PEAK1: variants seen among roughly 807,000 people sequenced by gnomAD.
The protein encoded by PEAK1 is inactive tyrosine-protein kinase PEAK1.
PEAK1 carries 54 observed loss-of-function variants against 124.7 expected under a neutral mutation model. The observed-to-expected ratio is 0.43, with a 90% CI of 0.35 to 0.54. The LOEUF (loss-of-function observed/expected upper bound fraction) is 0.54, where lower values mean the gene tolerates loss of function less well. Among genes scored for constraint, PEAK1 ranks in the 20% least tolerant of loss-of-function variants. The pLI is 0.01. For synonymous variants in PEAK1, 719 were observed against 760.0 expected, an observed-to-expected ratio of 0.95 and a Z score of 0.89; for missense variants, 2,046 against 2,134.5, an observed-to-expected ratio of 0.96 and a Z score of 0.82.
chr15:77,273,088 G>A (rs779477514), intron 5 of PEAK1, among the ~76,000 whole-genome samples: 1 of 151,986 alleles, frequency 6.6e-6, no homozygotes, highest in Admixed American at 6.6e-5. Context: ...AAAACCCTCA[G>A]CAAAATTCGT....
chr15:77,254,567 A>G (rs1170510255), intron 5 of PEAK1, among the ~76,000 whole-genome samples: 1 of 152,030 alleles, frequency 6.6e-6, no homozygotes, highest in Non-Finnish European at 1.5e-5. Context: ...TGAGTAGCTG[A>G]GACTACAGTC....
chr15:77,412,601 T>C (rs2142130104), intron 1 of PEAK1, among the ~76,000 whole-genome samples: 1 of 152,338 alleles, frequency 6.6e-6, no homozygotes. Flanking sequence ...TAATTGTACA[T>C]GGATACGTGG....
Position 77,178,785 on chromosome 15 carries a change from C to T in PEAK1, c.3137+5G>A, listed in dbSNP as rs1271633505. ...TCCCATATTCTTCCAGTCTATTTTACATACCTGAGAATCTTTTTAGGAATC... is the reference window on the plus strand; with the variant it reads ...TCCCATATTCTTCCAGTCTATTTTATATACCTGAGAATCTTTTTAGGAATC... On this transcript the variant is annotated splice_donor_5th_base_variant and intron_variant, in intron 7 of 9. Transcript: ENST00000682557. 1 of 1,609,776 alleles carries T rather than the reference C, an allele frequency of 6.2e-7. No individual in the cohort carries two copies. The highest frequency in any genetic ancestry group is 1.7e-5 in the Admixed American group (1 of 59,604).
At chr15:77,415,872 C>G (rs2072840512) in intron 1 of PEAK1, among the ~76,000 whole-genome samples, 1 of 152,174 alleles carries the variant, frequency 6.6e-6, no homozygotes, top group African/African-American at 2.4e-5. Context: ...TTTCTCCTCT[C>G]CAGTGGCTCT....
chr15:77,192,584 C>T (rs916904733), intron 6 of PEAK1, among the ~76,000 whole-genome samples: 1 of 152,218 alleles, frequency 6.6e-6, no homozygotes, highest in African/African-American at 2.4e-5. Flanking sequence ...CACTGGACTA[C>T]TAAAGTGAGC....
At chr15:77,159,584 A>G (rs1567045776) in intron 7 of PEAK1, among the ~76,000 whole-genome samples, 1 of 152,210 alleles carries the variant, frequency 6.6e-6, no homozygotes, top group Non-Finnish European at 1.5e-5. Flanking sequence ...GGCCCACTGA[A>G]AAGTATTCCT....
chr15:77,229,741 G>A (rs568271261), intron 6 of PEAK1, among the ~76,000 whole-genome samples: 4 of 149,924 alleles, frequency 2.7e-5, no homozygotes, highest in African/African-American at 9.8e-5. Flanking sequence ...TCTCCCTCCC[G>A]GATTCAATCT....
chr15:77,268,570 TA>T (rs1157123523), intron 5 of PEAK1, among the ~76,000 whole-genome samples: 7 of 152,086 alleles, frequency 4.6e-5, no homozygotes, highest in Non-Finnish European at 1.0e-4. Flanking sequence ...AAGAGAAATC[TA>T]AAAGTTTGGA....
rs2070684288 is a variant in PEAK1, at chr15:77,393,817, GA to G, written c.-666+26188del. Among the ~76,000 whole-genome samples the G allele has an allele frequency of 2.6e-5, 4 of 152,312 alleles. No individual in the cohort carries two copies. In the South Asian group the frequency reaches 8.3e-4, roughly 32 times the overall value. The stretch of plus-strand genomic sequence containing the variant: ...CACAGTGGAATACAGCACCAAGGGG[GA>G]TCTTGCAGGGTTCCCAATTTCAGGC... On this transcript the variant is annotated intron_variant, in intron 1 of 9. Coordinates refer to ENST00000682557, the MANE Select transcript of PEAK1 (RefSeq NM_001385026.1).
intron 1 of PEAK1, among the ~76,000 whole-genome samples, chr15:77,386,834 C>T (rs900343904): frequency 2.6e-5 from 4 of 152,092 alleles, no homozygotes; most frequent in Non-Finnish European, 5.9e-5. Flanking sequence ...ACTCATGCCT[C>T]GTTAATACCT....
At chr15:77,330,977 G>T in intron 2 of PEAK1, 1 of 889,886 alleles carries the variant, frequency 1.1e-6, no homozygotes, top group Non-Finnish European at 1.3e-6. Flanking sequence ...GTGAGTGAAT[G>T]GCTGAGTAAT....
At chr15:77,252,256 C>T (rs2060915892) in intron 6 of PEAK1, 111 bp downstream of exon 6, 1 of 586,038 alleles carries the variant, frequency 1.7e-6, no homozygotes, top group Non-Finnish European at 2.1e-6. Flanking sequence ...AAATGTTCAG[C>T]TTTATCTATA....
chr15:77,404,191 C>A (rs2071609338), intron 1 of PEAK1: 1 of 985,284 alleles, frequency 1.0e-6, no homozygotes, highest in Non-Finnish European at 1.2e-6. Flanking sequence ...AAAGGTTTAA[C>A]ATCTTGTGAG....
chr15:77,405,348 TGAG>T (rs2071729525), intron 1 of PEAK1, among the ~76,000 whole-genome samples: 1 of 152,166 alleles, frequency 6.6e-6, no homozygotes. Context: ...ACAAAAAGGC[TGAG>T]GAGAAGGGCG....
intron 9 of PEAK1, among the ~76,000 whole-genome samples, chr15:77,121,052 T>A (rs1424649052): frequency 3.3e-5 from 5 of 152,204 alleles, no homozygotes; most frequent in Non-Finnish European, 5.9e-5. Flanking sequence ...ACATTTTTTA[T>A]CTTTAAAAAA....
At chr15:77,268,657 T>C (rs1309085693) in intron 5 of PEAK1, among the ~76,000 whole-genome samples, 1 of 151,372 alleles carries the variant, frequency 6.6e-6, no homozygotes, top group African/African-American at 2.4e-5. Flanking sequence ...TACAAAAAGC[T>C]CAAAGAACTC....
chr15:77,290,163 T>C (rs1271186896), intron 2 of PEAK1, among the ~76,000 whole-genome samples: 1 of 152,142 alleles, frequency 6.6e-6, no homozygotes, highest in Non-Finnish European at 1.5e-5. Context: ...TCTCACTCTG[T>C]TGCCCAGGCT....
intron 2 of PEAK1, among the ~76,000 whole-genome samples, chr15:77,288,614 G>A (rs1459719611): frequency 6.6e-6 from 1 of 152,234 alleles, no homozygotes; most frequent in African/African-American, 2.4e-5. Context: ...GATCCAAGGA[G>A]TAATTGTTCA....
intron 6 of PEAK1, among the ~76,000 whole-genome samples, chr15:77,193,636 T>G (rs775939879): frequency 5.3e-5 from 8 of 152,116 alleles, no homozygotes; most frequent in Non-Finnish European, 8.8e-5. Flanking sequence ...AAACCCCGTC[T>G]CTACTAAAAA....
Sources: gnomAD v4.1 joint callset for allele counts (sites outside exome capture counted in the v4.1 genomes callset) on GRCh38, gnomAD v4.1.1 for gene constraint, MANE v1.5 for transcripts, NCBI Gene and HGNC (gene_info 2026-07-23, HGNC 2026-07-21) for gene names.